Variants in FHOD3 observed in about 807,000 individuals in gnomAD.
The protein encoded by FHOD3 is FH1/FH2 domain-containing protein 3.
Under a neutral mutation model 173.0 loss-of-function variants are expected in FHOD3, and 90 were observed. The ratio of observed to expected loss-of-function variants is 0.52; its 90% confidence interval spans 0.44 to 0.62. FHOD3 has a LOEUF of 0.62. FHOD3 is among the 20% of genes least tolerant of loss of function. FHOD3 has a pLI of 0.00. For synonymous variants in FHOD3, 828 were observed against 823.0 expected (o/e 1.01, Z -0.10); for missense variants, 1,945 against 2,034.7 (o/e 0.96, Z 0.85).
intron 9 of FHOD3, among the ~76,000 whole-genome samples, chr18:36,623,945 T>C (rs1474737113): frequency 6.6e-6 from 1 of 152,260 alleles, no homozygotes; most frequent in Non-Finnish European, 1.5e-5. Context: ...AGCTAGGTTT[T>C]CTGCACATAG....
chr18:36,749,945 C>CTT (rs1023629207), intron 24 of FHOD3, among the ~76,000 whole-genome samples: 1 of 147,336 alleles, frequency 6.8e-6, no homozygotes, highest in Non-Finnish European at 1.5e-5. Flanking sequence ...GATGTTGAGC[C>CTT]TTTTTTTTTT....
chr18:36,710,958 TATACC>T (rs1341116870), intron 18 of FHOD3: 1 of 152,214 alleles, frequency 6.6e-6, no homozygotes, highest in Non-Finnish European at 1.5e-5. Context: ...TTAGTAAAAA[TATACC>T]AGGCGACAGG....
chr18:36,675,633 CT>C (rs2037807902), intron 14 of FHOD3, among the ~76,000 whole-genome samples: 1 of 152,138 alleles, frequency 6.6e-6, no homozygotes, highest in Non-Finnish European at 1.5e-5. Flanking sequence ...TGGGAAGGGT[CT>C]AGTGCAAAAA....
At chr18:36,593,758 C>T (rs2029867778) in intron 6 of FHOD3, among the ~76,000 whole-genome samples, 2 of 152,202 alleles carry the variant, frequency 1.3e-5, no homozygotes, top group Non-Finnish European at 2.9e-5. Flanking sequence ...CACCTTCCAG[C>T]TCCCTCTGTG....
rs767474893 is a variant in FHOD3 at position 36,742,790 on chromosome 18, C to A, written c.3813C>A (p.Asn1271Lys). The change falls in exon 22 of 29, where the codon AAC becomes AAA. Residue 1271 changes from asparagine to lysine, a missense_variant. Around this residue, in one of 5 missense-constraint regions of FHOD3, gnomAD observed 231 missense variants for 321.9 expected, o/e 0.72. Coordinates refer to ENST00000590592, the MANE Select transcript of FHOD3 (RefSeq NM_001281740.3). ...AGGAAGGAATAGACCAGTTGGAGAA[C>A]AATAAAACCTTGGGCTTTATCCTGT... ...DLKEGIDQLENNKTLGFILST... is the reference protein window; with the variant it reads ...DLKEGIDQLEKNKTLGFILST... 1 of 1,613,946 alleles carries A rather than the reference C, an allele frequency of 6.2e-7. No individual in the cohort carries two copies. The highest frequency in any genetic ancestry group is 1.3e-5 in the African/African-American group (1 of 75,016).
rs1206717495 is a variant in FHOD3 at position 36,535,695 on chromosome 18, T to C, written c.511+23152T>C. On this transcript the variant is annotated intron_variant, in intron 5 of 28. Coordinates refer to ENST00000590592, the MANE Select transcript of FHOD3 (RefSeq NM_001281740.3). ...TTTAATGAACAATAATTAAATTACT[T>C]AAAATATTAAAATTAATATTTTATG... 2.0e-5 allele frequency among the ~76,000 whole-genome samples: 3 copies of C among 152,210 alleles called. No homozygotes were observed. In the East Asian group the frequency reaches 5.8e-4, roughly 29 times the overall value.
chr18:36,410,002 G>T (rs1401759081), intron 3 of FHOD3, among the ~76,000 whole-genome samples: 1 of 152,194 alleles, frequency 6.6e-6, no homozygotes, highest in Non-Finnish European at 1.5e-5. Context: ...AAGTAGAAGG[G>T]CTTTACAAGC....
intron 3 of FHOD3, among the ~76,000 whole-genome samples, chr18:36,433,176 A>G (rs1046371599): frequency 6.6e-6 from 1 of 152,228 alleles, no homozygotes; most frequent in Non-Finnish European, 1.5e-5. Context: ...TTGTTGTCAC[A>G]TAGTTTAACC....
At chr18:36,709,710 C>G in intron 18 of FHOD3, 2 of 325,508 alleles carry the variant, frequency 6.1e-6, no homozygotes, top group Non-Finnish European at 1.1e-5. Flanking sequence ...CCTCTCACTT[C>G]CCCCTGACTG....
chr18:36,715,220 T>A (rs961485285), intron 18 of FHOD3, among the ~76,000 whole-genome samples: 1 of 152,220 alleles, frequency 6.6e-6, no homozygotes, highest in Non-Finnish European at 1.5e-5. Context: ...AATAATTGAA[T>A]CATGGGCGTG....
intron 17 of FHOD3, among the ~76,000 whole-genome samples, chr18:36,698,940 A>G (rs2039431047): frequency 6.6e-6 from 1 of 152,144 alleles, no homozygotes; most frequent in African/African-American, 2.4e-5. Context: ...GAACTCTTTT[A>G]TAATGGGCGG....
chr18:36,312,215 T>C (rs536768837), intron 1 of FHOD3, among the ~76,000 whole-genome samples: 93 of 152,338 alleles, frequency 6.1e-4, no homozygotes, highest in Admixed American at 1.8e-3. Context: ...TGCCGTTCTG[T>C]TTGATGGTGC....
At chr18:36,409,173 G>A (rs547912407) in intron 3 of FHOD3, among the ~76,000 whole-genome samples, 2 of 148,684 alleles carry the variant, frequency 1.3e-5, no homozygotes, top group Admixed American at 6.7e-5. Flanking sequence ...AAACCTTCTT[G>A]GGGGGGTAAT....
chr18:36,666,364 C>T (rs2037180877), intron 14 of FHOD3, among the ~76,000 whole-genome samples: 1 of 152,200 alleles, frequency 6.6e-6, no homozygotes, highest in African/African-American at 2.4e-5. Flanking sequence ...ATCATGAGAG[C>T]TAGGATATGA....
chr18:36,528,280 G>C (rs929595247), intron 5 of FHOD3, among the ~76,000 whole-genome samples: 5 of 152,206 alleles, frequency 3.3e-5, no homozygotes, highest in African/African-American at 1.2e-4. Context: ...GGCTGTCTGT[G>C]CATGTGTGGA....
chr18:36,349,561 C>T (rs16967784), intron 1 of FHOD3, among the ~76,000 whole-genome samples: 21 of 152,208 alleles, frequency 1.4e-4, no homozygotes, highest in Admixed American at 7.8e-4. Flanking sequence ...ATTTATAGAA[C>T]GGTTCTGTGC....
At position 36,740,781 on chromosome 18, in the gene FHOD3, G is replaced by A. The variant is rs2073677888; in HGVS notation, c.3702G>A (p.Glu1234=). Residue 1234 remains glutamate (E), a synonymous_variant, in exon 21 of 29, where the codon GAG becomes GAA. Transcript: ENST00000590592. ...TCCTCACCCTGTCCTCCATCAGCGA[G>A]CTCTCTGCACGACTTCACCTCTGGG... The part of the protein sequence containing the change: ...QFLLTLSSIS[E]LSARLHLWAF... 1 of 1,614,066 alleles carries A rather than the reference G, an allele frequency of 6.2e-7. No individual in the cohort carries two copies.
At chr18:36,303,895 T>A (rs368395002) in intron 1 of FHOD3, among the ~76,000 whole-genome samples, 1 of 152,212 alleles carries the variant, frequency 6.6e-6, no homozygotes, top group Admixed American at 6.5e-5. Flanking sequence ...GGGGGACTGT[T>A]TCTGAGCTTT....
intron 8 of FHOD3, among the ~76,000 whole-genome samples, chr18:36,611,556 CT>C (rs535446151): frequency 6.6e-6 from 1 of 152,190 alleles, no homozygotes; most frequent in Non-Finnish European, 1.5e-5. Context: ...GCTAAGCCTT[CT>C]TTTAAAGGGC....
Sources: gnomAD v4.1 joint callset for allele counts (sites outside exome capture counted in the v4.1 genomes callset) on GRCh38, gnomAD v4.1.1 for gene constraint, gnomAD v4.1.1 regional missense constraint, MANE v1.5 for transcripts, NCBI Gene and HGNC (gene_info 2026-07-23, HGNC 2026-07-21) for gene names.